ADAMTS19: variants seen among roughly 807,000 people sequenced by gnomAD.
ADAMTS19 encodes the protein ADAM metallopeptidase with thrombospondin type 1 motif 19.
Under a neutral mutation model 153.3 loss-of-function variants are expected in ADAMTS19, and 93 were observed. That is an observed-to-expected ratio of 0.61 (90% CI 0.51 to 0.72). ADAMTS19 has a LOEUF of 0.72. ADAMTS19 is among the 30% of genes least tolerant of loss of function. The pLI is 0.00. For synonymous variants in ADAMTS19, 600 were observed against 556.6 expected (o/e 1.08, Z -1.10); for missense variants, 1,482 against 1,552.1 (o/e 0.95, Z 0.76).
At chr5:129,537,652 C>T (rs111248413) in intron 6 of ADAMTS19, among the ~76,000 whole-genome samples, 17,203 of 151,904 alleles carry the variant, frequency 0.11, 1,079 homozygotes, top group Middle Eastern at 0.16. Context: ...TGGAAACCAT[C>T]ATTCTCAGCA....
chr5:129,714,764 CA>C (rs1756646427), intron 21 of ADAMTS19, among the ~76,000 whole-genome samples: 1 of 152,292 alleles, frequency 6.6e-6, no homozygotes, highest in South Asian at 2.1e-4. Flanking sequence ...TTCTTTGACT[CA>C]GCAAAAATTT....
chr5:129,499,932 A>C (rs1254001255), intron 2 of ADAMTS19, among the ~76,000 whole-genome samples: 1 of 152,066 alleles, frequency 6.6e-6, no homozygotes, highest in East Asian at 1.9e-4. Flanking sequence ...CACTACTTGA[A>C]TTCATATTAT....
At chr5:129,526,548 A>T in intron 4 of ADAMTS19, 92 bp downstream of exon 4, 1 of 1,238,296 alleles carries the variant, frequency 8.1e-7, no homozygotes, top group Middle Eastern at 2.0e-4. Context: ...TTTAAAATTA[A>T]CTCATTACTA....
chr5:129,730,626 T>G (rs1184085437), intron 21 of ADAMTS19, among the ~76,000 whole-genome samples: 2 of 152,126 alleles, frequency 1.3e-5, no homozygotes, highest in African/African-American at 4.8e-5. Flanking sequence ...AGGGTCTATG[T>G]TAAATACAGA....
chr5:129,522,314 TATAC>T (rs1254036006), intron 3 of ADAMTS19, among the ~76,000 whole-genome samples: 78 of 94,398 alleles, frequency 8.3e-4, no homozygotes, highest in African/African-American at 3.8e-3. Context: ...TATATATATA[TATAC>T]ACACACACAC....
At chr5:129,535,964 A>T (rs1472761707) in intron 6 of ADAMTS19, among the ~76,000 whole-genome samples, 1 of 152,220 alleles carries the variant, frequency 6.6e-6, no homozygotes, top group East Asian at 1.9e-4. Flanking sequence ...AAACCCTAGA[A>T]GAACACCTAG....
chr5:129,701,419 C>A lies in ADAMTS19; in HGVS notation c.2986C>A (p.Arg996=), dbSNP rs747600290. 2 of 1,614,158 alleles carry A rather than the reference C, an allele frequency of 1.2e-6. No homozygotes were observed. The highest frequency in any genetic ancestry group is 1.7e-6 in the Non-Finnish European group (2 of 1,180,034). The part of the protein sequence containing the change: ...WMMTEWTPCS[R]TCGKGMQSRQ... ...GATGACAGAATGGACCCCTTGTTCA[C>A]GAACTTGTGGAAAAGGAATGCAGAG... is the stretch of plus-strand genomic sequence containing the variant. The change falls in exon 20 of 23, where the codon CGA becomes AGA. Residue 996 remains arginine (R), a synonymous_variant. Transcript: ENST00000274487.
In ADAMTS19 at chr5:129,704,399, C is replaced by A. The variant is rs1334527374; in HGVS notation, c.3312+8C>A. The A allele has an allele frequency of 3.1e-6, 5 of 1,611,960 alleles. No homozygotes were observed. Among genetic ancestry groups the A allele is most frequent in the Non-Finnish European group, 4.2e-6 (5 of 1,179,060 alleles). ...ATGGGTGACTGGTCTAAGGTGAGAA[C>A]CATTCTGTATATTCTCAGTAATAGG... On this transcript the variant is annotated splice_region_variant and intron_variant, in intron 21 of 22. Coordinates refer to ENST00000274487, the MANE Select transcript of ADAMTS19 (RefSeq NM_133638.6).
rs1232233578 is a variant in ADAMTS19, at chr5:129,527,762, C to T, written c.1101C>T (p.Phe367=). The T allele has an allele frequency of 6.4e-7, 1 of 1,574,320 alleles. No individual in the cohort carries two copies. Among genetic ancestry groups the T allele is most frequent in the Non-Finnish European group, 8.7e-7 (1 of 1,152,838 alleles). The change falls in exon 5 of 23, where the codon TTC becomes TTT. Residue 367 remains phenylalanine (F), a synonymous_variant. Transcript: ENST00000274487. ...TTTGTTTTTAGGTATTTAACCTTTT[C>T]CAACACAAGAGTCTGAGTGTGCAGG... The part of the protein sequence containing the change: ...LTILNMVFNL[F]QHKSLSVQVN...
rs371679917 is a variant in ADAMTS19 at position 129,658,558 on chromosome 5, G to A, written c.2305-59G>A. 13 of 1,563,540 alleles carry A rather than the reference G, an allele frequency of 8.3e-6. No homozygotes were observed. The East Asian group carries it at 9.1e-5, about 11-fold the overall frequency. On this transcript the variant is annotated intron_variant, in intron 14 of 22. Transcript: ENST00000274487. ...TAGAGACTAGGTTTGTCCCAAATTA[G>A]TAGTAAAACAAGAAAAGAATACTGC...
intron 3 of ADAMTS19, 118 bp from the exon 4 acceptor site, chr5:129,526,166 C>T (rs1751998873): frequency 1.3e-6 from 1 of 785,302 alleles, no homozygotes; most frequent in Non-Finnish European, 1.9e-6. Context: ...AGCCAAATGC[C>T]CTTTAAGATT....
At chr5:129,535,251 G>C (rs1752371594) in intron 6 of ADAMTS19, among the ~76,000 whole-genome samples, 1 of 152,116 alleles carries the variant, frequency 6.6e-6, no homozygotes. Flanking sequence ...AAAATCACAA[G>C]CATTCTTATA....
At chr5:129,630,124 T>C (rs1169123345) in intron 10 of ADAMTS19, among the ~76,000 whole-genome samples, 1 of 152,112 alleles carries the variant, frequency 6.6e-6, no homozygotes, top group Non-Finnish European at 1.5e-5. Context: ...ATCTACTTGA[T>C]TCATCCAAGT....
At chr5:129,689,317 C>T (rs1318263847) in intron 18 of ADAMTS19, among the ~76,000 whole-genome samples, 1 of 152,108 alleles carries the variant, frequency 6.6e-6, no homozygotes, top group African/African-American at 2.4e-5. Flanking sequence ...GCCTTTGGGT[C>T]CAAGTTGAGG....
At chr5:129,507,816 C>T (rs1470887295) in intron 2 of ADAMTS19, among the ~76,000 whole-genome samples, 1 of 151,480 alleles carries the variant, frequency 6.6e-6, no homozygotes, top group African/African-American at 2.4e-5. Context: ...GATAAAATTG[C>T]TTATTCTCGT....
chr5:129,667,299 TTC>T, intron 16 of ADAMTS19, among the ~76,000 whole-genome samples: 1 of 152,296 alleles, frequency 6.6e-6, no homozygotes, highest in South Asian at 2.1e-4. Context: ...CTCTGCTATA[TTC>T]TGTCCCCAGG....
Position 129,461,536 on chromosome 5 carries a change from C to G in ADAMTS19, c.526C>G (p.Pro176Ala). ...TGGCGACGAAGTGTTGCTGCGGATCCCGGCCTTCTCTCGGGACCTGTACCT... is the reference window on the plus strand; with the variant it reads ...TGGCGACGAAGTGTTGCTGCGGATCGCGGCCTTCTCTCGGGACCTGTACCT... ...PDGDEVLLRI[P>A]AFSRDLYLLL... Residue 176 changes from proline (P) to alanine (A), a missense_variant, in exon 2 of 23, where the codon CCG (proline) becomes GCG (alanine). Coordinates refer to ENST00000274487, the MANE Select transcript of ADAMTS19 (RefSeq NM_133638.6). This position sits in a 1 kb window ranked among gnomAD's most constrained non-coding sequence, Gnocchi z 4.6. The G allele has an allele frequency of 1.3e-6, 2 of 1,531,664 alleles. No individual in the cohort carries two copies. Among genetic ancestry groups the G allele is most frequent in the African/African-American group, 1.4e-5 (1 of 72,230 alleles). 94.9% of individuals were successfully genotyped at this position (1,531,664 alleles called of 1,614,324 possible).
At chr5:129,722,507 A>T (rs1298131697) in intron 21 of ADAMTS19, among the ~76,000 whole-genome samples, 2 of 122,446 alleles carry the variant, frequency 1.6e-5, no homozygotes, top group Admixed American at 1.4e-4. Context: ...CCTTTGTTAG[A>T]TAGGTAGATT....
intron 21 of ADAMTS19, among the ~76,000 whole-genome samples, chr5:129,707,453 T>G (rs560312188): frequency 2.4e-4 from 37 of 152,322 alleles, no homozygotes; most frequent in African/African-American, 8.4e-4. Flanking sequence ...CATCACAGAC[T>G]CAAACAGTGT....
Sources: allele counts gnomAD v4.1 joint callset (sites outside exome capture counted in the v4.1 genomes callset), GRCh38; gene constraint gnomAD v4.1.1; non-coding constraint Gnocchi (gnomAD v3.1); transcripts MANE v1.5; gene names NCBI Gene and HGNC (gene_info 2026-07-23, HGNC 2026-07-21).